The following KALRN variants were observed in gnomAD, a reference collection of about 807,000 sequenced individuals.
KALRN encodes kalirin.
KALRN carries 70 observed loss-of-function variants against 353.7 expected under a neutral mutation model. The observed-to-expected ratio is 0.20, with a 90% CI of 0.16 to 0.24. The LOEUF (loss-of-function observed/expected upper bound fraction) is 0.24. Ranked by LOEUF, KALRN falls within the 10% of genes least tolerant of loss-of-function variation. The pLI, the probability that KALRN is intolerant of heterozygous loss-of-function variation, is 1.00. For synonymous variants in KALRN, 1,391 were observed against 1,434.8 expected (o/e 0.97, Z 0.69); for missense variants, 2,791 against 3,756.7 (o/e 0.74, Z 6.72).
chr3:124,332,865 G>A (rs1451161418), intron 8 of KALRN, among the ~76,000 whole-genome samples: 1 of 152,106 alleles, frequency 6.6e-6, no homozygotes, highest in Non-Finnish European at 1.5e-5. Context: ...AAAATGACAA[G>A]GAAATAAAGA....
At chr3:124,487,548 A>G (rs1196790300) in intron 28 of KALRN, among the ~76,000 whole-genome samples, 2 of 152,174 alleles carry the variant, frequency 1.3e-5, no homozygotes, top group African/African-American at 4.8e-5. Flanking sequence ...AAATCACTTC[A>G]TCTCTCTTAA....
intron 13 of KALRN, among the ~76,000 whole-genome samples, chr3:124,408,965 C>CT (rs1157860590): frequency 1.3e-5 from 2 of 152,198 alleles, no homozygotes; most frequent in African/African-American, 2.4e-5. Context: ...CCTTGGGCTT[C>CT]TTTTTGAAGT....
intron 9 of KALRN, among the ~76,000 whole-genome samples, chr3:124,344,535 A>G (rs2082084265): frequency 6.6e-6 from 1 of 152,262 alleles, no homozygotes; most frequent in African/African-American, 2.4e-5. Context: ...AATACTTCAT[A>G]TATTAACTAT....
At chr3:124,380,450 G>C (rs1028765660) in intron 10 of KALRN, among the ~76,000 whole-genome samples, 2 of 152,170 alleles carry the variant, frequency 1.3e-5, no homozygotes, top group Non-Finnish European at 2.9e-5. Context: ...CATCAGTGTG[G>C]CCCATATCTC....
intron 1 of KALRN, among the ~76,000 whole-genome samples, chr3:124,210,128 C>G (rs557852727): frequency 6.6e-6 from 1 of 152,160 alleles, no homozygotes; most frequent in Non-Finnish European, 1.5e-5. Context: ...AGTTTTTCCT[C>G]TATAAAATGC....
chr3:124,666,865 A>G, intron 46 of KALRN, 147 bp from the exon 47 acceptor site: 1 of 838,386 alleles, frequency 1.2e-6, no homozygotes, highest in Non-Finnish European at 1.8e-6. Flanking sequence ...TCACTCACCC[A>G]GAGACAAAAA....
At position 124,724,424 on chromosome 3, in the gene KALRN, T is replaced by C. The variant is rs551345960; in HGVS notation, c.*4954T>C. The C allele has an allele frequency of 5.7e-4, 87 of 152,286 alleles. No homozygotes were observed. Among genetic ancestry groups the C allele is most frequent in the African/African-American group, 2.1e-3 (87 of 41,556 alleles). 9.4% of individuals were successfully genotyped at this position (152,286 alleles called of 1,614,324 possible). A position where few individuals can be genotyped will look rare whatever the true frequency, so the allele number is the denominator to read the frequency against. On this transcript the variant is annotated 3_prime_UTR_variant, in exon 60 of 60. Coordinates refer to ENST00000682506, the MANE Select transcript of KALRN (RefSeq NM_001388419.1). The stretch of plus-strand genomic sequence containing the variant: ...GGTTAGACAAATGCAATATGTGACC[T>C]TTCAGTGAATTTATTTATAAAACTG...
intron 34 of KALRN, among the ~76,000 whole-genome samples, chr3:124,585,573 C>G (rs1173630490): frequency 6.6e-6 from 1 of 152,018 alleles, no homozygotes; most frequent in Non-Finnish European, 1.5e-5. Flanking sequence ...ACCAATTTCC[C>G]CCAAAGCAGC....
intron 2 of KALRN, 103 bp from the exon 3 acceptor site, chr3:124,234,726 A>G: frequency 1.2e-6 from 1 of 859,376 alleles, no homozygotes; most frequent in South Asian, 1.6e-5. Context: ...TGGATACCCT[A>G]TTTCTGTCTG....
chr3:124,658,567 A>G, intron 42 of KALRN, 50 bp downstream of exon 42: 1 of 1,386,340 alleles, frequency 7.2e-7, no homozygotes. Context: ...AACTCAGGCC[A>G]AAACAGCCAC....
intron 8 of KALRN, among the ~76,000 whole-genome samples, chr3:124,333,716 C>T (rs112334988): frequency 0.087 from 13,288 of 152,038 alleles, 713 homozygotes; most frequent in Middle Eastern, 0.14. Context: ...GGTGAAACCC[C>T]GTCTCTACTA....
At chr3:124,332,092 C>T (rs76174359) in intron 8 of KALRN, among the ~76,000 whole-genome samples, 13,278 of 152,164 alleles carry the variant, frequency 0.087, 723 homozygotes, top group Middle Eastern at 0.14. Context: ...TAAGCTACTT[C>T]CCCCACCCCA....
chr3:124,713,580 C>A (rs1403796930), intron 58 of KALRN, among the ~76,000 whole-genome samples: 2 of 152,070 alleles, frequency 1.3e-5, no homozygotes, highest in African/African-American at 4.8e-5. Flanking sequence ...CAGGGGAGAG[C>A]CTTACCTTCA....
At chr3:124,268,557 A>T in intron 4 of KALRN, 186 bp from the exon 5 acceptor site, 1 of 620,422 alleles carries the variant, frequency 1.6e-6, no homozygotes, top group Non-Finnish European at 2.8e-6. Flanking sequence ...AGCAGTCTGT[A>T]GAAACTGCTG....
intron 1 of KALRN, among the ~76,000 whole-genome samples, chr3:124,111,449 G>C (rs917135092): frequency 6.6e-6 from 1 of 152,186 alleles, no homozygotes. Context: ...CATTTACCCT[G>C]TGGGACTGAA....
chr3:124,080,166 T>G (rs1354207445), intron 1 of KALRN: 1 of 412,718 alleles, frequency 2.4e-6, no homozygotes, highest in African/African-American at 2.0e-5. Context: ...ATGAGTTAGC[T>G]TTCTGTAGCC....
At chr3:124,622,209 G>T (rs2079354178) in intron 34 of KALRN, among the ~76,000 whole-genome samples, 1 of 152,076 alleles carries the variant, frequency 6.6e-6, no homozygotes, top group African/African-American at 2.4e-5. Context: ...GAAGGTCAAA[G>T]GACCCCTCTG....
chr3:124,066,562 G>A (rs1170243143), intron 1 of KALRN, among the ~76,000 whole-genome samples: 1 of 152,192 alleles, frequency 6.6e-6, no homozygotes, highest in African/African-American at 2.4e-5. Context: ...GTGTGAAAGA[G>A]CAACCTCAAA....
At chr3:124,684,011 CAAT>C (rs2061449710) in intron 51 of KALRN, among the ~76,000 whole-genome samples, 3 of 152,192 alleles carry the variant, frequency 2.0e-5, no homozygotes, top group African/African-American at 7.2e-5. Context: ...GTGTGTGGTT[CAAT>C]GGCATTAAGT....
Sources: gnomAD v4.1 joint callset for allele counts (sites outside exome capture counted in the v4.1 genomes callset) on GRCh38, gnomAD v4.1.1 for gene constraint, MANE v1.5 for transcripts, NCBI Gene and HGNC (gene_info 2026-07-23, HGNC 2026-07-21) for gene names.